The following BCAS3 variants were observed in gnomAD, a reference collection of about 807,000 sequenced individuals.
BCAS3 encodes BCAS4/BCAS3 fusion.
BCAS3 carries 53 observed loss-of-function variants against 116.1 expected under a neutral mutation model. The observed-to-expected ratio is 0.46, with a 90% CI of 0.37 to 0.57. The LOEUF is 0.57. Among genes scored for constraint, BCAS3 ranks in the 20% least tolerant of loss-of-function variants. The pLI is 0.00. For synonymous variants in BCAS3, 391 were observed against 408.2 expected (o/e 0.96, Z 0.51); for missense variants, 917 against 1,165.4 (o/e 0.79, Z 3.10).
intron 14 of BCAS3, among the ~76,000 whole-genome samples, chr17:60,979,699 G>A (rs2062663409): frequency 6.6e-6 from 1 of 151,726 alleles, no homozygotes; most frequent in South Asian, 2.1e-4. Flanking sequence ...AGAGTTTTTA[G>A]CATGAAGGGT....
At chr17:61,179,549 T>C (rs574901245) in intron 22 of BCAS3, among the ~76,000 whole-genome samples, 2 of 152,298 alleles carry the variant, frequency 1.3e-5, no homozygotes, top group East Asian at 3.9e-4. Context: ...TGTTCAGTAC[T>C]AGAAGAGTTA....
rs1373570901 is a variant in BCAS3 at position 61,332,922 on chromosome 17, C to T, written c.2426-35405C>T. On this transcript the variant is annotated intron_variant, in intron 22 of 23. Coordinates refer to ENST00000407086, the MANE Select transcript of BCAS3 (RefSeq NM_017679.5). This position sits in a 1 kb window ranked among gnomAD's most constrained non-coding sequence, Gnocchi z 5.4. ...TGAGCCATGGCACCCGGCCTATCCC[C>T]ATCTTAAAAAGGAGGCAGCTAAGGC... Among the ~76,000 whole-genome samples the T allele has an allele frequency of 6.6e-6, 1 of 152,170 alleles. No individual in the cohort carries two copies. Among genetic ancestry groups the T allele is most frequent in the African/African-American group, 2.4e-5 (1 of 41,440 alleles).
chr17:61,384,974 G>A (rs2059775512), intron 23 of BCAS3, among the ~76,000 whole-genome samples: 1 of 152,204 alleles, frequency 6.6e-6, no homozygotes. Flanking sequence ...GCTCAGTGTG[G>A]TGGGAAGCAG....
chr17:60,966,167 G>A (rs2061650598), intron 14 of BCAS3, among the ~76,000 whole-genome samples: 1 of 152,114 alleles, frequency 6.6e-6, no homozygotes, highest in Non-Finnish European at 1.5e-5. Context: ...TTGGTTTCCA[G>A]ATACGTGGAG....
rs1277168663 is a variant in BCAS3 at position 61,082,709 on chromosome 17, C to A, written c.2328-1758C>A. ...AATAAACTTCTCTTTTCTAACTGGC[C>A]CACATTAGCTTAGGCTTACCTATCC... is the stretch of plus-strand genomic sequence containing the variant. On this transcript the variant is annotated intron_variant, in intron 21 of 23. Transcript: ENST00000407086. This position sits in a 1 kb window ranked among gnomAD's most constrained non-coding sequence, Gnocchi z 5.1. Among the ~76,000 whole-genome samples, 1 of 152,152 alleles carries A rather than the reference C, an allele frequency of 6.6e-6. No homozygotes were observed. Among genetic ancestry groups the A allele is most frequent in the Non-Finnish European group, 1.5e-5 (1 of 68,030 alleles).
chr17:60,705,290 C>T lies in BCAS3; in HGVS notation c.215-3929C>T, dbSNP rs138264772. Among the ~76,000 whole-genome samples, 1,117 of 152,052 alleles carry T rather than the reference C, an allele frequency of 7.3e-3. 11 individuals carry two copies. Among genetic ancestry groups the T allele is most frequent in the African/African-American group, 0.025 (1,036 of 41,502 alleles). On this transcript the variant is annotated intron_variant, in intron 4 of 23. Coordinates refer to ENST00000407086, the MANE Select transcript of BCAS3 (RefSeq NM_017679.5). ...TCCCAGCACTTTGGGAGACCCAGGACGGCAGATCACCTTAGGTCAGGAGTT... is the reference window on the plus strand; with the variant it reads ...TCCCAGCACTTTGGGAGACCCAGGATGGCAGATCACCTTAGGTCAGGAGTT...
chr17:60,951,773 T>C (rs1599920046), intron 14 of BCAS3, among the ~76,000 whole-genome samples: 4 of 146,172 alleles, frequency 2.7e-5, no homozygotes. Context: ...TCTTTTTTTT[T>C]TTTTTTTTTT....
At chr17:60,882,099 C>G (rs745900281) in intron 9 of BCAS3, among the ~76,000 whole-genome samples, 4,456 of 149,250 alleles carry the variant, frequency 0.03, 173 homozygotes, top group East Asian at 0.088. Flanking sequence ...CTCTCCAGCA[C>G]CTGTTGTTTC....
intron 15 of BCAS3, among the ~76,000 whole-genome samples, chr17:61,003,397 CCCCTCCCCTT>C (rs1600383169): frequency 7.5e-6 from 1 of 133,088 alleles, no homozygotes; most frequent in South Asian, 2.8e-4. Flanking sequence ...CCCCTCCCCT[CCCCTCCCCTT>C]CCCTTCCCTT....
In BCAS3 at chr17:61,178,536, A is replaced by G. The variant is rs547602645; in HGVS notation, c.2425+93972A>G. 5.9e-5 allele frequency among the ~76,000 whole-genome samples: 9 copies of G among 152,264 alleles called. No homozygotes were observed. In the South Asian group the frequency reaches 1.9e-3, roughly 32 times the overall value. The stretch of plus-strand genomic sequence containing the variant: ...AACCAGATTGTGCTGGTGTTTAGTG[A>G]TTAGGGCTATCTGCTTCTGCTATCA... On this transcript the variant is annotated intron_variant, in intron 22 of 23. Transcript: ENST00000407086.
At chr17:60,854,799 C>T (rs1050322173) in intron 7 of BCAS3, among the ~76,000 whole-genome samples, 2 of 152,190 alleles carry the variant, frequency 1.3e-5, no homozygotes, top group Non-Finnish European at 2.9e-5. Context: ...TATGTCCACA[C>T]AGCCTGCACA....
chr17:61,141,958 G>C lies in BCAS3; in HGVS notation c.2425+57394G>C, dbSNP rs1183356795. 6.7e-6 allele frequency among the ~76,000 whole-genome samples: 1 copy of C among 150,334 alleles called. No homozygotes were observed. Among genetic ancestry groups the C allele is most frequent in the African/African-American group, 2.4e-5 (1 of 40,910 alleles). On this transcript the variant is annotated intron_variant, in intron 22 of 23. Coordinates refer to ENST00000407086, the MANE Select transcript of BCAS3 (RefSeq NM_017679.5). This position sits in a 1 kb window ranked among gnomAD's most constrained non-coding sequence, Gnocchi z 4.3. ...TACAGAGATACTCAAGTTCTTGAAA[G>C]AAGTTTGTTGAGGATAAGATTTATT...
intron 22 of BCAS3, among the ~76,000 whole-genome samples, chr17:61,142,252 A>G (rs1406299883): frequency 6.6e-6 from 1 of 152,216 alleles, no homozygotes; most frequent in Non-Finnish European, 1.5e-5. Flanking sequence ...CCCGGTTAGT[A>G]ATTGGCAGAG....
intron 19 of BCAS3, among the ~76,000 whole-genome samples, chr17:61,071,879 A>G (rs1052080730): frequency 3.3e-5 from 5 of 152,170 alleles, no homozygotes; most frequent in African/African-American, 1.2e-4. Context: ...GTTAGCTTCT[A>G]ATTATAAGCT....
intron 13 of BCAS3, among the ~76,000 whole-genome samples, chr17:60,935,929 C>T (rs2059897500): frequency 6.6e-6 from 1 of 151,460 alleles, no homozygotes; most frequent in Admixed American, 6.6e-5. Flanking sequence ...CATATGTATA[C>T]ATGTGCCATG....
At chr17:60,988,159 C>T (rs1277952646) in intron 14 of BCAS3, among the ~76,000 whole-genome samples, 4 of 150,304 alleles carry the variant, frequency 2.7e-5, no homozygotes, top group African/African-American at 9.9e-5. Flanking sequence ...TCCTTGCATA[C>T]CTGGGATAAA....
intron 22 of BCAS3, among the ~76,000 whole-genome samples, chr17:61,170,982 T>C (rs972430341): frequency 2.0e-5 from 3 of 152,022 alleles, no homozygotes; most frequent in Non-Finnish European, 4.4e-5. Context: ...GGGCTGGGAG[T>C]GATTTCTGTT....
At chr17:60,843,977 T>G (rs963932219) in intron 7 of BCAS3, among the ~76,000 whole-genome samples, 1 of 152,212 alleles carries the variant, frequency 6.6e-6, no homozygotes, top group Non-Finnish European at 1.5e-5. Context: ...AATATACTTT[T>G]GTGTTTTTTG....
At chr17:60,777,229 C>T (rs1461067783) in intron 6 of BCAS3, among the ~76,000 whole-genome samples, 2 of 152,104 alleles carry the variant, frequency 1.3e-5, no homozygotes, top group Non-Finnish European at 2.9e-5. Context: ...TATTCTCTTC[C>T]TCTACTACTA....
Sources: allele counts gnomAD v4.1 joint callset (sites outside exome capture counted in the v4.1 genomes callset), GRCh38; gene constraint gnomAD v4.1.1; non-coding constraint Gnocchi (gnomAD v3.1); transcripts MANE v1.5; gene names NCBI Gene and HGNC (gene_info 2026-07-23, HGNC 2026-07-21).